KIAA1217: variants seen among roughly 807,000 people sequenced by gnomAD.
KIAA1217 encodes KIAA1217, also known as sickle tail protein homolog.
In KIAA1217, 88 loss-of-function variants were observed where a neutral mutation model predicts 163.9. The observed-to-expected ratio is 0.54, with a 90% CI of 0.45 to 0.64. KIAA1217 has a LOEUF of 0.64. Among genes scored for constraint, KIAA1217 ranks in the 30% least tolerant of loss-of-function variants. The pLI, the probability that KIAA1217 is intolerant of heterozygous loss-of-function variation, is 0.00. For synonymous variants in KIAA1217, 903 were observed against 923.1 expected (o/e 0.98, Z 0.39); for missense variants, 2,372 against 2,475.0 (o/e 0.96, Z 0.88).
At chr10:23,869,134 T>G (rs1209780904) in intron 1 of KIAA1217, among the ~76,000 whole-genome samples, 25 of 142,360 alleles carry the variant, frequency 1.8e-4, no homozygotes, top group African/African-American at 2.6e-4. Context: ...GTTTTTTTTT[T>G]TTTTTTTTTT....
At chr10:24,530,914 G>A (rs763468285) in intron 14 of KIAA1217, among the ~76,000 whole-genome samples, 1 of 151,900 alleles carries the variant, frequency 6.6e-6, no homozygotes, top group Non-Finnish European at 1.5e-5. Flanking sequence ...AACAAAAAAG[G>A]CCTGGTGCAG....
chr10:23,994,320 G>A (rs1297695896), intron 1 of KIAA1217, among the ~76,000 whole-genome samples: 2 of 152,132 alleles, frequency 1.3e-5, no homozygotes, highest in South Asian at 2.1e-4. Context: ...TGGGGATTAG[G>A]TAGCTGAGGA....
chr10:24,544,926 T>A, intron 19 of KIAA1217, 55 bp from the exon 20 acceptor site: 2 of 1,586,964 alleles, frequency 1.3e-6, no homozygotes, highest in East Asian at 2.2e-5. Flanking sequence ...GCCTCACAGA[T>A]GACCTACTCA....
At chr10:24,002,428 A>C (rs1334566572) in intron 1 of KIAA1217, among the ~76,000 whole-genome samples, 1 of 152,110 alleles carries the variant, frequency 6.6e-6, no homozygotes, top group Non-Finnish European at 1.5e-5. Context: ...AACATTCCAG[A>C]GAACTTGCCT....
At chr10:24,106,358 A>G (rs1468004909) in intron 2 of KIAA1217, among the ~76,000 whole-genome samples, 1 of 151,986 alleles carries the variant, frequency 6.6e-6, no homozygotes, top group Non-Finnish European at 1.5e-5. Flanking sequence ...AAGAGAGGGT[A>G]AGAACATCTT....
At chr10:24,277,230 A>T (rs1360609899) in intron 2 of KIAA1217, among the ~76,000 whole-genome samples, 1 of 152,184 alleles carries the variant, frequency 6.6e-6, no homozygotes, top group African/African-American at 2.4e-5. Flanking sequence ...CTCAACCTGG[A>T]TTCCTCAGTT....
At chr10:23,923,265 G>T (rs761761578) in intron 1 of KIAA1217, among the ~76,000 whole-genome samples, 2 of 152,096 alleles carry the variant, frequency 1.3e-5, no homozygotes, top group Non-Finnish European at 2.9e-5. Context: ...ATTTAGGCTC[G>T]TTCCATATTT....
In KIAA1217 at chr10:24,473,640, A is replaced by C; in HGVS notation, c.1259A>C (p.His420Pro). The C allele has an allele frequency of 1.2e-6, 2 of 1,614,188 alleles. No homozygotes were observed. Among genetic ancestry groups the C allele is most frequent in the Non-Finnish European group, 1.7e-6 (2 of 1,180,032 alleles). ...HGGHPLDVPD[H>P]IIAYHRTAIR... ...GGACACCCACTGGATGTCCCCGACC[A>C]CATCATTGCATATCACCGCACCGCC... Residue 420 changes from histidine (H) to proline (P), a missense_variant, in exon 6 of 21, where the codon CAC becomes CCC. By Grantham distance (77) the His-to-Pro change is moderately conservative. Around this residue, in one of 3 missense-constraint regions of KIAA1217, gnomAD observed 1,431 missense variants for 1,470.3 expected, o/e 0.97. Transcript: ENST00000376454.
intron 2 of KIAA1217, among the ~76,000 whole-genome samples, chr10:24,252,862 C>T (rs2074711076): frequency 6.6e-6 from 1 of 151,878 alleles, no homozygotes; most frequent in Non-Finnish European, 1.5e-5. Context: ...TAGAGGAAGG[C>T]CAGGTGCAGT....
At position 24,227,812 on chromosome 10, in the gene KIAA1217, G is replaced by A. The variant is rs553295866; in HGVS notation, c.354+7903G>A. Among the ~76,000 whole-genome samples, 10 of 152,268 alleles carry A rather than the reference G, an allele frequency of 6.6e-5. No individual in the cohort carries two copies. The East Asian group carries it at 9.7e-4, about 15-fold the overall frequency. ...CTCCCAAAGTGCTGGGATTACAGGC[G>A]TGAGCCACTGCGCCCGGCCAATATG... On this transcript the variant is annotated intron_variant, in intron 2 of 20. Transcript: ENST00000376454.
chr10:23,735,055 T>TA (rs551963447), intron 1 of KIAA1217, among the ~76,000 whole-genome samples: 43 of 151,946 alleles, frequency 2.8e-4, no homozygotes, highest in African/African-American at 9.2e-4. Flanking sequence ...CATTTGAGTT[T>TA]AAAAAAAATC....
chr10:24,161,794 T>C (rs915750447), intron 2 of KIAA1217, among the ~76,000 whole-genome samples: 1 of 152,166 alleles, frequency 6.6e-6, no homozygotes, highest in Non-Finnish European at 1.5e-5. Context: ...ATCTTTGAGA[T>C]TCAATGTTGG....
chr10:23,917,092 C>T (rs567299981), intron 1 of KIAA1217, among the ~76,000 whole-genome samples: 39 of 151,838 alleles, frequency 2.6e-4, no homozygotes, highest in Middle Eastern at 3.4e-3. Flanking sequence ...AGTTGGACTA[C>T]GCCAACATTT....
At chr10:24,179,872 G>T in intron 2 of KIAA1217, among the ~76,000 whole-genome samples, 1 of 152,274 alleles carries the variant, frequency 6.6e-6, no homozygotes, top group South Asian at 2.1e-4. Flanking sequence ...GCAGGCATGA[G>T]CCACCATGCC....
intron 1 of KIAA1217, among the ~76,000 whole-genome samples, chr10:23,991,712 T>C (rs1185085353): frequency 6.6e-6 from 1 of 152,096 alleles, no homozygotes; most frequent in African/African-American, 2.4e-5. Context: ...AACCATGACG[T>C]ACGATATAAT....
chr10:24,039,135 A>G (rs570213857), intron 2 of KIAA1217, among the ~76,000 whole-genome samples: 2 of 152,098 alleles, frequency 1.3e-5, no homozygotes, highest in Admixed American at 6.6e-5. Flanking sequence ...CAGATATGCC[A>G]ATTTTTTTTA....
chr10:23,805,996 C>CAAAAAAAAAAAAAAAA (rs71397917), intron 1 of KIAA1217, among the ~76,000 whole-genome samples: 128 of 30,476 alleles, frequency 4.2e-3, no homozygotes, highest in African/African-American at 5.9e-3. Context: ...AACTCCATCT[C>CAAAAAAAAAAAAAAAA]AAAAAAAAAA....
intron 1 of KIAA1217, among the ~76,000 whole-genome samples, chr10:23,722,904 G>A (rs1236195614): frequency 6.6e-6 from 1 of 152,122 alleles, no homozygotes; most frequent in African/African-American, 2.4e-5. Context: ...TCGAACCCTG[G>A]GTCCAGCTGT....
At chr10:24,065,134 C>G (rs1168671450) in intron 2 of KIAA1217, among the ~76,000 whole-genome samples, 1 of 152,122 alleles carries the variant, frequency 6.6e-6, no homozygotes, top group Non-Finnish European at 1.5e-5. Context: ...TTTTGTGTCT[C>G]TATTTCCTTC....
Sources: gnomAD v4.1 joint callset for allele counts (sites outside exome capture counted in the v4.1 genomes callset) on GRCh38, gnomAD v4.1.1 for gene constraint, gnomAD v4.1.1 regional missense constraint, MANE v1.5 for transcripts, NCBI Gene and HGNC (gene_info 2026-07-23, HGNC 2026-07-21) for gene names.